TJP1: variants seen among roughly 807,000 people sequenced by gnomAD.
TJP1 encodes tight junction protein ZO-1.
A neutral mutation model predicts 194.2 loss-of-function variants in TJP1; 43 were observed. The observed-to-expected ratio is 0.22, with a 90% CI of 0.17 to 0.29. The LOEUF is 0.29. Among genes scored for constraint, TJP1 ranks in the 10% least tolerant of loss-of-function variants. The pLI, the probability that TJP1 is intolerant of heterozygous loss-of-function variation, is 1.00. For synonymous variants in TJP1, 801 were observed against 779.0 expected, an observed-to-expected ratio of 1.03 and a Z score of -0.47; for missense variants, 1,971 against 2,185.7, an observed-to-expected ratio of 0.90 and a Z score of 1.96.
At chr15:29,817,843 C>T (rs529845452) in intron 1 of TJP1, among the ~76,000 whole-genome samples, 3 of 152,050 alleles carry the variant, frequency 2.0e-5, no homozygotes, top group Admixed American at 1.3e-4. Flanking sequence ...GCCTGTTACC[C>T]GGGTTGGTGG....
intron 2 of TJP1, among the ~76,000 whole-genome samples, chr15:29,857,682 T>G (rs749390999): frequency 1.3e-5 from 2 of 152,220 alleles, no homozygotes; most frequent in Non-Finnish European, 2.9e-5. Flanking sequence ...CTTTGGGGAC[T>G]GGGAGACACT....
intron 2 of TJP1, among the ~76,000 whole-genome samples, chr15:29,927,988 C>A (rs555376628): frequency 6.6e-6 from 1 of 152,188 alleles, no homozygotes; most frequent in East Asian, 1.9e-4. Flanking sequence ...CCACCAGAAA[C>A]AAACACAAAC....
chr15:29,949,631 TCCAC>T (rs2055534719), intron 2 of TJP1, among the ~76,000 whole-genome samples: 2 of 20,642 alleles, frequency 9.7e-5, no homozygotes, highest in Non-Finnish European at 9.1e-5. Context: ...CACCTCCACC[TCCAC>T]CACCTCCACC....
intron 2 of TJP1, among the ~76,000 whole-genome samples, chr15:29,933,402 GA>G (rs2054782367): frequency 6.6e-6 from 1 of 152,044 alleles, no homozygotes; most frequent in African/African-American, 2.4e-5. Flanking sequence ...AAAATAACTT[GA>G]AAAAAGAGAA....
In TJP1 at chr15:29,719,126, C is replaced by A. The variant is rs866835227; in HGVS notation, c.3016G>T (p.Asp1006Tyr). ...CTCATCATTTCCTCGGGATATGGATCCTTTCTATACACCTGTATAAAAAAT... is the reference window on the plus strand; with the variant it reads ...CTCATCATTTCCTCGGGATATGGATACTTTCTATACACCTGTATAAAAAAT... Reference protein sequence around the residue: ...HVDPTKVYRKDPYPEEMMRQN... With the variant: ...HVDPTKVYRKYPYPEEMMRQN... The change falls in exon 21 of 28, where the codon GAT becomes TAT. Residue 1006 changes from aspartate (D) to tyrosine (Y), a missense_variant. Asp to Tyr is a radical substitution (Grantham distance 160). Around this residue, in one of 5 missense-constraint regions of TJP1, gnomAD observed 1,108 missense variants for 1,128.5 expected, o/e 0.98. Coordinates refer to ENST00000614355, the MANE Select transcript of TJP1 (RefSeq NM_001330239.4). 1 of 1,609,058 alleles carries A rather than the reference C, an allele frequency of 6.2e-7. No individual in the cohort carries two copies. The highest frequency in any genetic ancestry group is 8.5e-7 in the Non-Finnish European group (1 of 1,178,348).
intron 2 of TJP1, among the ~76,000 whole-genome samples, chr15:29,897,818 T>G (rs1317013637): frequency 6.6e-6 from 1 of 152,196 alleles, no homozygotes; most frequent in Admixed American, 6.5e-5. Flanking sequence ...AGCCCCTTTG[T>G]TTTGGCCAAT....
rs536520868 is a variant in TJP1 at position 29,794,390 on chromosome 15, G to C, written c.84+6256C>G. On this transcript the variant is annotated intron_variant, in intron 2 of 27. Transcript: ENST00000614355. The stretch of plus-strand genomic sequence containing the variant: ...GACATTTTCTGGGCTGCCCTCTCAT[G>C]GCAAAAAAATAACTGAGGCACAGAA... Among the ~76,000 whole-genome samples the C allele has an allele frequency of 2.2e-4, 34 of 152,058 alleles. 1 individual carries two copies. The South Asian group carries it at 6.0e-3, about 27-fold the overall frequency.
intron 2 of TJP1, among the ~76,000 whole-genome samples, chr15:29,919,398 AGTGTTTTTT>A (rs1387250121): frequency 6.6e-6 from 1 of 152,128 alleles, no homozygotes; most frequent in Non-Finnish European, 1.5e-5. Flanking sequence ...GTCATACAAC[AGTGTTTTTT>A]GTCTATTATG....
chr15:29,946,280 A>G (rs767033965), intron 2 of TJP1, among the ~76,000 whole-genome samples: 23 of 152,236 alleles, frequency 1.5e-4, no homozygotes, highest in Non-Finnish European at 2.9e-4. Flanking sequence ...TGAAATCACT[A>G]TTTGGCAATC....
chr15:29,743,914 C>T (rs936604747), intron 8 of TJP1, among the ~76,000 whole-genome samples: 13 of 152,206 alleles, frequency 8.5e-5, no homozygotes, highest in Admixed American at 6.5e-5. Context: ...GGCACAGTAG[C>T]TCATGCCTGT....
chr15:29,802,698 A>G (rs1027953024), intron 1 of TJP1, among the ~76,000 whole-genome samples: 24 of 152,172 alleles, frequency 1.6e-4, no homozygotes, highest in African/African-American at 4.3e-4. Context: ...TACACATGAT[A>G]AAAGTATCTG....
intron 2 of TJP1, among the ~76,000 whole-genome samples, chr15:29,860,135 T>C (rs539687965): frequency 3.7e-4 from 57 of 152,310 alleles, no homozygotes; most frequent in Non-Finnish European, 7.6e-4. Flanking sequence ...CTAGAGTTTT[T>C]GGTGGATTGT....
chr15:29,749,837 G>A (rs997043928), intron 8 of TJP1, among the ~76,000 whole-genome samples: 18 of 152,074 alleles, frequency 1.2e-4, no homozygotes, highest in African/African-American at 4.1e-4. Flanking sequence ...CCTTCTATCT[G>A]TGGTTCTTTT....
Position 29,833,877 on chromosome 15 carries a change from A to AT in TJP1, c.307-33176dup, listed in dbSNP as rs1332880070. Among the ~76,000 whole-genome samples the AT allele has an allele frequency of 7.6e-4, 11 of 14,426 alleles. 1 individual carries two copies. The highest frequency in any genetic ancestry group is 2.0e-3 in the African/African-American group (9 of 4,548). The allele number at this position is 14,426 out of a possible 152,430, so 9.5% of individuals were successfully genotyped here. On this transcript the variant is annotated intron_variant, in intron 2 of 28. Coordinates refer to the TJP1 transcript ENST00000356107. ...TGTAAGTATATATATATATATATAT[A>AT]TATATTTTTTTTTTTTTTTTTTTTG...
chr15:29,715,047 T>A lies in TJP1; in HGVS notation c.4202+1564A>T, dbSNP rs74687153. On this transcript the variant is annotated intron_variant, in intron 23 of 27. Coordinates refer to ENST00000614355, the MANE Select transcript of TJP1 (RefSeq NM_001330239.4). ...CAGTGCCTAGCTCACTTTAGGCTAG[T>A]CACCATTTAGATGTTACTGTGATAA... Among the ~76,000 whole-genome samples, 738 of 152,368 alleles carry A rather than the reference T, an allele frequency of 4.8e-3. 29 individuals are homozygous for A. The East Asian group carries it at 0.096, about 20-fold the overall frequency.
rs554782497 is a variant in TJP1, at chr15:29,860,201, G to A, written c.307-59499C>T. Among the ~76,000 whole-genome samples the A allele has an allele frequency of 2.0e-5, 3 of 152,302 alleles. No homozygotes were observed. In the East Asian group the frequency reaches 5.8e-4, roughly 29 times the overall value. ...CAGACCTGACCACATCCCAAACTCTGACTCAGGAGTAAGCGCTTTCTTTCT... is the reference window on the plus strand; with the variant it reads ...CAGACCTGACCACATCCCAAACTCTAACTCAGGAGTAAGCGCTTTCTTTCT... On this transcript the variant is annotated intron_variant, in intron 2 of 28. Coordinates refer to the TJP1 transcript ENST00000356107.
chr15:29,833,299 GTAGT>G (rs1220246746), intron 2 of TJP1, among the ~76,000 whole-genome samples: 1 of 152,164 alleles, frequency 6.6e-6, no homozygotes, highest in African/African-American at 2.4e-5. Flanking sequence ...TAAGGATTGT[GTAGT>G]TAATCTTAGT....
chr15:29,880,289 C>G (rs2052879087), intron 2 of TJP1, among the ~76,000 whole-genome samples: 1 of 152,102 alleles, frequency 6.6e-6, no homozygotes, highest in African/African-American at 2.4e-5. Flanking sequence ...AACAGATTAA[C>G]TGAGGTAAAA....
chr15:29,871,695 G>A (rs1004949753), intron 2 of TJP1, among the ~76,000 whole-genome samples: 9 of 152,190 alleles, frequency 5.9e-5, no homozygotes, highest in South Asian at 2.1e-4. Context: ...GGGCATTCCC[G>A]TGAGTCCAGC....
Sources: allele counts gnomAD v4.1 joint callset (sites outside exome capture counted in the v4.1 genomes callset), GRCh38; gene constraint gnomAD v4.1.1; regional missense constraint gnomAD v4.1.1; transcripts MANE v1.5; gene names NCBI Gene and HGNC (gene_info 2026-07-23, HGNC 2026-07-21).